The following PSD2 variants were observed in gnomAD, a reference collection of about 807,000 sequenced individuals.
PSD2 encodes the protein pleckstrin and Sec7 domain containing 2.
A neutral mutation model predicts 69.8 loss-of-function variants in PSD2; 38 were observed. The ratio of observed to expected loss-of-function variants is 0.54; its 90% CI spans 0.42 to 0.71. PSD2 has a LOEUF of 0.71. Ranked by LOEUF, PSD2 falls within the 30% of genes least tolerant of loss-of-function variation. The pLI is 0.00. For synonymous variants in PSD2, 412 were observed against 423.0 expected, an observed-to-expected ratio of 0.97 and a Z score of 0.32; for missense variants, 943 against 1,014.5, an observed-to-expected ratio of 0.93 and a Z score of 0.96.
the PSD2 span, among the ~76,000 whole-genome samples, chr5:139,766,903 CCCTCCCTTCCTTCCTTCCTTCCTTCCCTT>C: frequency 4.8e-5 from 3 of 62,802 alleles, no homozygotes; most frequent in East Asian, 4.6e-4. Flanking sequence ...TTCCCTCTTT[CCCTCCCTTCCTTCCTTCCTTCCTTCCCTT>C]CTTTCTTTCT....
At chr5:139,774,295 T>C in the PSD2 span, among the ~76,000 whole-genome samples, 6 of 152,108 alleles carry the variant, frequency 3.9e-5, no homozygotes, top group South Asian at 8.3e-4. Context: ...AAGCAGCCAG[T>C]GGTGGATCTG....
At chr5:139,835,146 A>G (rs1760686500) in intron 8 of PSD2, among the ~76,000 whole-genome samples, 2 of 143,356 alleles carry the variant, frequency 1.4e-5, no homozygotes, top group African/African-American at 5.3e-5. Flanking sequence ...CCACCCATTC[A>G]TCCTCAAATC....
intron 5 of PSD2, among the ~76,000 whole-genome samples, chr5:139,818,413 G>A (rs1218628981): frequency 1.3e-5 from 2 of 152,068 alleles, no homozygotes; most frequent in Admixed American, 6.5e-5. Flanking sequence ...AGGTATGGTG[G>A]TGCAGGCCTG....
chr5:139,830,565 C>CCTTCCTTCCTTCCTTCCTTTCTTT (rs1554096354), intron 7 of PSD2, among the ~76,000 whole-genome samples: 85 of 120,388 alleles, frequency 7.1e-4, no homozygotes, highest in Middle Eastern at 3.9e-3. Flanking sequence ...TTCCTTCCTT[C>CCTTCCTTCCTTCCTTCCTTTCTTT]CTTTCTTTCT....
chr5:139,758,118 C>A, the PSD2 span, among the ~76,000 whole-genome samples: 1 of 152,142 alleles, frequency 6.6e-6, no homozygotes, highest in South Asian at 2.1e-4. Flanking sequence ...CTGCCCTGCA[C>A]TGGGGAGACA....
Position 139,836,885 on chromosome 5 carries a change from C to T in PSD2, c.1478C>T (p.Thr493Met), listed in dbSNP as rs541258961. The stretch of plus-strand genomic sequence containing the variant: ...TTCGGGACAGGCACGAAGAAGGTGA[C>T]GCGAATCCTGGATGGTGGCAACCCC... The part of the protein sequence containing the change: ...DKFGTGTKKV[T>M]RILDGGNPFL... The change falls in exon 10 of 15, where the codon ACG (threonine) becomes ATG (methionine). Residue 493 changes from threonine to methionine, a missense_variant. Thr to Met is a moderately conservative substitution (Grantham distance 81, BLOSUM62 -1). Transcript: ENST00000274710. The T allele has an allele frequency of 3.2e-5, 52 of 1,614,188 alleles. 1 individual carries two copies. The South Asian group carries it at 4.5e-4, about 14-fold the overall frequency.
At chr5:139,787,082 G>A in the PSD2 span, among the ~76,000 whole-genome samples, 1 of 152,158 alleles carries the variant, frequency 6.6e-6, no homozygotes, top group African/African-American at 2.4e-5. Context: ...GGGATGTGTG[G>A]CCCCAGTGGT....
Position 139,837,517 on chromosome 5 carries a change from G to T in PSD2, c.1666-108G>T. On this transcript the variant is annotated intron_variant, in intron 11 of 14. Transcript: ENST00000274710. This position sits in a 1 kb window ranked among gnomAD's most constrained non-coding sequence, Gnocchi z 5.0. The stretch of plus-strand genomic sequence containing the variant: ...TCTTGTTGGGGTGGGTGAGGCAGCA[G>T]GAACAGAAAATTAAGGGAGCCGTAG... The T allele has an allele frequency of 8.1e-7, 1 of 1,233,818 alleles. No individual in the cohort carries two copies. Among genetic ancestry groups the T allele is most frequent in the Non-Finnish European group, 1.1e-6 (1 of 883,046 alleles). The allele number at this position is 1,233,818 out of a possible 1,614,324, so 76.4% of individuals were successfully genotyped here.
chr5:139,798,344 C>A (rs537449957), intron 1 of PSD2, among the ~76,000 whole-genome samples: 6 of 152,176 alleles, frequency 3.9e-5, no homozygotes, highest in African/African-American at 1.4e-4. Flanking sequence ...GGGTCTGGCC[C>A]CCTTTTCAGG....
At chr5:139,773,552 C>T in the PSD2 span, among the ~76,000 whole-genome samples, 1 of 152,192 alleles carries the variant, frequency 6.6e-6, no homozygotes, top group Non-Finnish European at 1.5e-5. Context: ...AATTTGACTA[C>T]CCTAGGTACA....
At chr5:139,750,371 C>A in the PSD2 span, among the ~76,000 whole-genome samples, 1 of 152,060 alleles carries the variant, frequency 6.6e-6, no homozygotes, top group Non-Finnish European at 1.5e-5. Flanking sequence ...ATGAATATCT[C>A]AACTCCAAAC....
chr5:139,764,895 G>T, the PSD2 span, among the ~76,000 whole-genome samples: 2 of 152,248 alleles, frequency 1.3e-5, no homozygotes, highest in South Asian at 4.1e-4. Context: ...GGACATTTCT[G>T]ATCTAAGTCC....
the PSD2 span, among the ~76,000 whole-genome samples, chr5:139,782,438 C>A: frequency 1.3e-5 from 2 of 151,724 alleles, no homozygotes; most frequent in Non-Finnish European, 2.9e-5. Context: ...CCCATTTTGG[C>A]CTCCCAGAGT....
Position 139,814,421 on chromosome 5 carries a change from T to C in PSD2, c.1016+57T>C. Reference sequence around the variant, plus strand: ...GGCAAACCTCGTGTCTTCCTCAACCTGAAGAGGGTGTGGGTGACCTTCTTC... The same window carrying C: ...GGCAAACCTCGTGTCTTCCTCAACCCGAAGAGGGTGTGGGTGACCTTCTTC... On this transcript the variant is annotated intron_variant, in intron 4 of 14. Coordinates refer to ENST00000274710, the MANE Select transcript of PSD2 (RefSeq NM_032289.4). This position sits in a 1 kb window ranked among gnomAD's most constrained non-coding sequence, Gnocchi z 4.4. 2 of 1,486,330 alleles carry C rather than the reference T, an allele frequency of 1.3e-6. No individual in the cohort carries two copies. Among genetic ancestry groups the C allele is most frequent in the Non-Finnish European group, 9.0e-7 (1 of 1,110,518 alleles). 92.1% of individuals were successfully genotyped at this position (1,486,330 alleles called of 1,614,324 possible).
chr5:139,748,679 G>A, the PSD2 span, among the ~76,000 whole-genome samples: 3 of 152,244 alleles, frequency 2.0e-5, no homozygotes, highest in African/African-American at 7.2e-5. Flanking sequence ...ACCTCGAAGA[G>A]AACAAAGGCC....
the PSD2 span, among the ~76,000 whole-genome samples, chr5:139,763,180 G>T: frequency 6.6e-6 from 1 of 152,202 alleles, no homozygotes; most frequent in African/African-American, 2.4e-5. Context: ...GAAACATCTT[G>T]TCTATTCCCT....
the PSD2 span, among the ~76,000 whole-genome samples, chr5:139,781,338 CTT>C: frequency 1.4e-5 from 2 of 145,978 alleles, no homozygotes; most frequent in South Asian, 2.2e-4. Context: ...ATATCTCTCT[CTT>C]TTTTTTTTTT....
chr5:139,768,189 G>A, the PSD2 span, among the ~76,000 whole-genome samples: 246 of 152,382 alleles, frequency 1.6e-3, no homozygotes, highest in Middle Eastern at 6.8e-3. Context: ...ACAGCAGGAA[G>A]GAAGGAAGTG....
In PSD2 at chr5:139,844,406, A is replaced by G. The variant is rs1233534705; in HGVS notation, c.*1932A>G. The G allele has an allele frequency of 1.3e-5, 2 of 152,394 alleles. No homozygotes were observed. Among genetic ancestry groups the G allele is most frequent in the Non-Finnish European group, 2.9e-5 (2 of 68,036 alleles). 9.4% of individuals were successfully genotyped at this position (152,394 alleles called of 1,614,324 possible). ...TAAAATATTATGTACATTATAAAACATACACAAAAATAGAAATTTAAAAAA... is the reference window on the plus strand; with the variant it reads ...TAAAATATTATGTACATTATAAAACGTACACAAAAATAGAAATTTAAAAAA... On this transcript the variant is annotated 3_prime_UTR_variant, in exon 15 of 15. Transcript: ENST00000274710.
Sources: gnomAD v4.1 joint callset for allele counts (sites outside exome capture counted in the v4.1 genomes callset) on GRCh38, gnomAD v4.1.1 for gene constraint, Gnocchi (gnomAD v3.1) non-coding constraint, MANE v1.5 for transcripts, NCBI Gene and HGNC (gene_info 2026-07-23, HGNC 2026-07-21) for gene names.